Variants in KBTBD2 observed in about 807,000 individuals in gnomAD.
KBTBD2 encodes kelch repeat and BTB domain containing 2.
Under a neutral mutation model 57.1 loss-of-function variants are expected in KBTBD2, and 17 were observed. The observed-to-expected ratio is 0.30, with a 90% CI of 0.20 to 0.45. The LOEUF is 0.45. Among genes scored for constraint, KBTBD2 ranks in the 20% least tolerant of loss-of-function variants. The probability of loss-of-function intolerance (pLI) is 1.00; values close to 1 mark genes in which losing one functional copy is unlikely to be tolerated. For synonymous variants in KBTBD2, 267 were observed against 262.7 expected (o/e 1.02, Z -0.16); for missense variants, 515 against 750.6 (o/e 0.69, Z 3.67).
At chr7:32,890,584 C>T (rs558650932) in intron 1 of KBTBD2, among the ~76,000 whole-genome samples, 2 of 152,248 alleles carry the variant, frequency 1.3e-5, no homozygotes, top group South Asian at 4.1e-4. Context: ...GATAGGGTTT[C>T]GTTTCTCAAT....
chr7:32,871,240 A>G (rs1053160709), intron 3 of KBTBD2, among the ~76,000 whole-genome samples: 1 of 152,222 alleles, frequency 6.6e-6, no homozygotes, highest in Non-Finnish European at 1.5e-5. Flanking sequence ...AAAAATGTAA[A>G]TAAATCATAG....
chr7:32,880,869 G>A (rs1020107119), intron 1 of KBTBD2, among the ~76,000 whole-genome samples: 6 of 152,122 alleles, frequency 3.9e-5, no homozygotes, highest in African/African-American at 7.2e-5. Context: ...TTGGTAGGCC[G>A]AGGCAGGCGG....
chr7:32,884,970 G>A (rs571838352), intron 1 of KBTBD2, among the ~76,000 whole-genome samples: 4 of 125,614 alleles, frequency 3.2e-5, no homozygotes, highest in African/African-American at 1.3e-4. Flanking sequence ...ATGTGTGTAT[G>A]TGTGTGTATA....
intron 1 of KBTBD2, among the ~76,000 whole-genome samples, chr7:32,884,923 C>G (rs1443207630): frequency 1.4e-5 from 2 of 146,892 alleles, no homozygotes; most frequent in African/African-American, 5.2e-5. Context: ...CCAAACGCTG[C>G]TTTATTTTTA....
chr7:32,890,303 G>A (rs757180493), intron 1 of KBTBD2, among the ~76,000 whole-genome samples: 4 of 152,128 alleles, frequency 2.6e-5, no homozygotes, highest in Non-Finnish European at 5.9e-5. Flanking sequence ...TTAGTTATCA[G>A]CCAGATGGAA....
intron 1 of KBTBD2, among the ~76,000 whole-genome samples, chr7:32,882,326 T>C (rs923868677): frequency 2.0e-5 from 3 of 152,218 alleles, no homozygotes; most frequent in Admixed American, 1.3e-4. Context: ...ATCATGCCGC[T>C]AGACCCCAGA....
At chr7:32,890,304 C>T (rs532548849) in intron 1 of KBTBD2, among the ~76,000 whole-genome samples, 2 of 152,196 alleles carry the variant, frequency 1.3e-5, no homozygotes, top group Admixed American at 1.3e-4. Context: ...TAGTTATCAG[C>T]CAGATGGAAA....
chr7:32,888,666 G>A (rs1448851863), intron 1 of KBTBD2, among the ~76,000 whole-genome samples: 1 of 148,266 alleles, frequency 6.7e-6, no homozygotes, highest in Non-Finnish European at 1.5e-5. Flanking sequence ...CTGCACTCCA[G>A]CCTGGGCGAC....
intron 1 of KBTBD2, among the ~76,000 whole-genome samples, chr7:32,886,340 G>A (rs555465702): frequency 2.5e-4 from 38 of 152,146 alleles, no homozygotes; most frequent in African/African-American, 9.2e-4. Flanking sequence ...TTTTCTCTAG[G>A]ATGCCCAAGT....
At chr7:32,875,395 G>A (rs1784287681) in intron 2 of KBTBD2, among the ~76,000 whole-genome samples, 1 of 152,100 alleles carries the variant, frequency 6.6e-6, no homozygotes, top group Non-Finnish European at 1.5e-5. Context: ...AGTCTCCCAA[G>A]TAGCTGGGAC....
chr7:32,874,890 G>C, intron 3 of KBTBD2, 102 bp downstream of exon 3: 1 of 906,306 alleles, frequency 1.1e-6, no homozygotes, highest in Non-Finnish European at 1.7e-6. Context: ...AGAATCACTT[G>C]AACCTGGGAG....
intron 1 of KBTBD2, chr7:32,891,165 C>T (rs1292945918): frequency 1.3e-5 from 2 of 151,650 alleles, no homozygotes; most frequent in African/African-American, 4.8e-5. Context: ...AGGGAAACAG[C>T]TTTACTTCGG....
At position 32,870,681 on chromosome 7, in the gene KBTBD2, T is replaced by G. The variant is rs774487579; in HGVS notation, c.536A>C (p.Asp179Ala). 6.2e-7 allele frequency: 1 copy of G among 1,613,784 alleles called. No homozygotes were observed. The highest frequency in any genetic ancestry group is 1.3e-5 in the African/African-American group (1 of 74,932). ...ATTTAAATTGTCACTACTGAGAATA[T>G]CTATCAGTAGGTCATGTGACAGCTG... The part of the protein sequence containing the change: ...FMQLSHDLLI[D>A]ILSSDNLNVE... The change falls in exon 4 of 4, where the codon GAT becomes GCT. Residue 179 changes from aspartate (D) to alanine (A), a missense_variant. Transcript: ENST00000304056.
At chr7:32,888,403 G>A (rs1784635964) in intron 1 of KBTBD2, among the ~76,000 whole-genome samples, 1 of 152,110 alleles carries the variant, frequency 6.6e-6, no homozygotes, top group Admixed American at 6.5e-5. Flanking sequence ...AAGGACAAGA[G>A]ATGGGTGCTA....
intron 1 of KBTBD2, among the ~76,000 whole-genome samples, chr7:32,881,650 A>G (rs761536019): frequency 6.6e-6 from 1 of 152,222 alleles, no homozygotes; most frequent in African/African-American, 2.4e-5. Flanking sequence ...ATTTAAGGTA[A>G]TAACTTTGCT....
intron 1 of KBTBD2, among the ~76,000 whole-genome samples, chr7:32,881,100 CAAAA>C (rs10617384): frequency 3.2e-5 from 4 of 125,702 alleles, no homozygotes; most frequent in Non-Finnish European, 5.1e-5. Flanking sequence ...GACACCGTCT[CAAAA>C]AAAAAAAAAA....
rs1784068584 is a variant in KBTBD2 at position 32,868,183 on chromosome 7, CAATTT to C, written c.*1157_*1161del. On this transcript the variant is annotated 3_prime_UTR_variant, in exon 4 of 4. Coordinates refer to ENST00000304056, the MANE Select transcript of KBTBD2 (RefSeq NM_015483.3). ...AAGAAAAATAGATATTGAATATATACAATTTATTTAATAAATTAATGTCATTCAAA... is the reference window on the plus strand; with the variant it reads ...AAGAAAAATAGATATTGAATATATACATTTAATAAATTAATGTCATTCAAA... The C allele has an allele frequency of 2.0e-5, 3 of 152,574 alleles. No homozygotes were observed. Among genetic ancestry groups the C allele is most frequent in the African/African-American group, 7.2e-5 (3 of 41,436 alleles). The allele number at this position is 152,574 out of a possible 1,614,324, so 9.5% of individuals were successfully genotyped here. A position where few individuals can be genotyped will look rare whatever the true frequency, so the allele number is the denominator to read the frequency against.
Position 32,869,863 on chromosome 7 carries a change from T to C in KBTBD2, c.1354A>G (p.Met452Val). 1 of 1,613,670 alleles carries C rather than the reference T, an allele frequency of 6.2e-7. No individual in the cohort carries two copies. Among genetic ancestry groups the C allele is most frequent in the South Asian group, 1.1e-5 (1 of 91,076 alleles). The change falls in exon 4 of 4, where the codon ATG becomes GTG. Residue 452 changes from methionine (M) to valine (V), a missense_variant. Met to Val is a conservative substitution (Grantham distance 21). Transcript: ENST00000304056. The part of the protein sequence containing the change: ...YFPRSDSWVE[M>V]AMRQTSRSFA... ...GACCTACTAGTCTGTCTCATGGCCA[T>C]TTCTACCCATGAGTCAGACCTTGGA... is the stretch of plus-strand genomic sequence containing the variant.
chr7:32,871,976 C>G (rs552774883), intron 3 of KBTBD2, among the ~76,000 whole-genome samples: 2 of 152,296 alleles, frequency 1.3e-5, no homozygotes, highest in East Asian at 3.9e-4. Context: ...ATTCTGGAAT[C>G]AGATTTTCTT....
Sources: allele counts gnomAD v4.1 joint callset (sites outside exome capture counted in the v4.1 genomes callset), GRCh38; gene constraint gnomAD v4.1.1; transcripts MANE v1.5; gene names NCBI Gene and HGNC (gene_info 2026-07-23, HGNC 2026-07-21).